The following ADGB variants were observed in gnomAD, a reference collection of about 807,000 sequenced individuals.
ADGB encodes the protein androglobin.
ADGB carries 172 observed loss-of-function variants against 210.5 expected under a neutral mutation model. The observed-to-expected ratio is 0.82, with a 90% CI of 0.72 to 0.93. The LOEUF (loss-of-function observed/expected upper bound fraction) is 0.93, where lower values mean the gene tolerates loss of function less well. ADGB is among the 40% of genes least tolerant of loss of function. ADGB has a pLI of 0.00. For synonymous variants in ADGB, 658 were observed against 662.7 expected, an observed-to-expected ratio of 0.99 and a Z score of 0.11; for missense variants, 2,025 against 1,964.8, an observed-to-expected ratio of 1.03 and a Z score of -0.58.
chr6:146,684,706 A>T (rs983037983), intron 9 of ADGB, among the ~76,000 whole-genome samples: 1 of 152,104 alleles, frequency 6.6e-6, no homozygotes, highest in African/African-American at 2.4e-5. Flanking sequence ...ATTATTAACC[A>T]AGCCTCTGCA....
chr6:146,750,138 G>A (rs1051932110), intron 26 of ADGB, among the ~76,000 whole-genome samples: 2 of 152,148 alleles, frequency 1.3e-5, no homozygotes, highest in African/African-American at 2.4e-5. Context: ...AGGCTGGACT[G>A]CAAAGTGGGC....
intron 13 of ADGB, among the ~76,000 whole-genome samples, chr6:146,704,473 C>T (rs953023808): frequency 6.6e-6 from 1 of 151,964 alleles, no homozygotes; most frequent in Non-Finnish European, 1.5e-5. Context: ...GTTCTTAATG[C>T]ATTTTGAGTT....
intron 10 of ADGB, among the ~76,000 whole-genome samples, chr6:146,688,591 G>C (rs548395359): frequency 6.6e-6 from 1 of 152,202 alleles, no homozygotes; most frequent in East Asian, 1.9e-4. Context: ...TCCCTTTGGG[G>C]AAGTTTAAGG....
At chr6:146,786,645 A>G (rs763729041) in intron 32 of ADGB, among the ~76,000 whole-genome samples, 2 of 152,080 alleles carry the variant, frequency 1.3e-5, no homozygotes, top group Non-Finnish European at 1.5e-5. Flanking sequence ...AAGCTCAGAG[A>G]GCCACCTTAT....
chr6:146,767,999 G>T (rs1297148024), intron 28 of ADGB, among the ~76,000 whole-genome samples: 1 of 152,116 alleles, frequency 6.6e-6, no homozygotes, highest in African/African-American at 2.4e-5. Context: ...AACAAAATCA[G>T]AAAACACCCA....
At chr6:146,664,741 A>G (rs1166787232) in intron 6 of ADGB, among the ~76,000 whole-genome samples, 1 of 152,108 alleles carries the variant, frequency 6.6e-6, no homozygotes, top group Non-Finnish European at 1.5e-5. Flanking sequence ...GCAATAATTT[A>G]CTAATCTTGA....
rs1777850236 is a variant in ADGB at position 146,784,795 on chromosome 6, G to T, written c.4212+1G>T. 6.5e-7 allele frequency: 1 copy of T among 1,540,282 alleles called. No homozygotes were observed. The highest frequency in any genetic ancestry group is 2.1e-5 in the Admixed American group (1 of 48,486). ...AACTGAGCCAGGAAGAGCAATCAAG[G>T]TCACCTGATTTCGAAAAGCTGTCAT... is the stretch of plus-strand genomic sequence containing the variant. On this transcript the variant is annotated splice_donor_variant, in intron 31 of 35. Transcript: ENST00000397944. LOFTEE classifies it high-confidence loss of function.
intron 16 of ADGB, 135 bp downstream of exon 16, chr6:146,717,734 C>G (rs1246145916): frequency 4.3e-6 from 2 of 460,506 alleles, no homozygotes; most frequent in Non-Finnish European, 3.8e-6. Flanking sequence ...TTTTTAGAGT[C>G]TCTCACTAAT....
Position 146,672,351 on chromosome 6 carries a change from G to A in ADGB, c.971G>A (p.Gly324Glu). The A allele has an allele frequency of 6.4e-7, 1 of 1,551,344 alleles. No homozygotes were observed. The highest frequency in any genetic ancestry group is 2.4e-5 in the East Asian group (1 of 40,886). ...DSKLKEPGKE[G>E]KEGKEIKDGK... is the part of the protein sequence containing the mutation. Reference sequence around the variant, plus strand: ...AAATTAAAAGAACCAGGGAAAGAAGGGAAGGAGGGAAAAGAAATAAAGGAT... The same window carrying A: ...AAATTAAAAGAACCAGGGAAAGAAGAGAAGGAGGGAAAAGAAATAAAGGAT... The change falls in exon 8 of 36, where the codon GGG becomes GAG. Residue 324 changes from glycine (G) to glutamate (E), a missense_variant. Coordinates refer to ENST00000397944, the MANE Select transcript of ADGB (RefSeq NM_024694.4).
At chr6:146,719,225 T>C (rs1776779863) in intron 16 of ADGB, among the ~76,000 whole-genome samples, 1 of 152,216 alleles carries the variant, frequency 6.6e-6, no homozygotes. Context: ...TAGTAAGTAA[T>C]AATAAATGTT....
chr6:146,739,644 A>T (rs1050866532), intron 23 of ADGB, among the ~76,000 whole-genome samples: 4 of 152,176 alleles, frequency 2.6e-5, no homozygotes, highest in African/African-American at 9.7e-5. Context: ...CGATGAAAAC[A>T]TCTGCCTTCT....
chr6:146,734,484 G>A (rs1300555117), intron 22 of ADGB, among the ~76,000 whole-genome samples: 1 of 152,130 alleles, frequency 6.6e-6, no homozygotes, highest in Non-Finnish European at 1.5e-5. Context: ...GCATAATAAA[G>A]AAGCCACTAT....
At chr6:146,667,509 T>C (rs556206132) in intron 7 of ADGB, among the ~76,000 whole-genome samples, 3 of 152,162 alleles carry the variant, frequency 2.0e-5, no homozygotes, top group South Asian at 2.1e-4. Context: ...GTGTATCTGC[T>C]TCTTCATAGG....
rs1428295651 is a variant in ADGB, at chr6:146,785,693, A to G, written c.4296A>G (p.Gln1432=). The G allele has an allele frequency of 2.6e-6, 4 of 1,550,444 alleles. No homozygotes were observed. The Admixed American group carries it at 7.8e-5, about 30-fold the overall frequency. The change falls in exon 32 of 36, where the codon CAA becomes CAG. Residue 1432 remains glutamine (Q), a synonymous_variant. Transcript: ENST00000397944. The stretch of plus-strand genomic sequence containing the variant: ...AGAGTCCGCCTATATCTGAAAGCCA[A>G]ACTAAACCAAAAGAAGAAGGTGAGT... ...DAESPPISES[Q]TKPKEEVETA...
intron 23 of ADGB, among the ~76,000 whole-genome samples, chr6:146,737,254 T>C (rs1777092859): frequency 6.6e-6 from 1 of 151,892 alleles, no homozygotes; most frequent in Non-Finnish European, 1.5e-5. Flanking sequence ...CACAGACAAA[T>C]GGAAAGTACG....
chr6:146,614,268 C>T (rs1281584437), intron 1 of ADGB, among the ~76,000 whole-genome samples: 1 of 133,712 alleles, frequency 7.5e-6, no homozygotes, highest in Non-Finnish European at 1.6e-5. Context: ...TTTGATATAA[C>T]ATTGATATAC....
chr6:146,624,960 G>A lies in ADGB; in HGVS notation c.75-10415G>A, dbSNP rs191052254. Reference sequence around the variant, plus strand: ...CTTTGTGTGACTTGAATATTTAAAAGTTTATTGAGACATTCTATGTATTAA... The same window carrying A: ...CTTTGTGTGACTTGAATATTTAAAAATTTATTGAGACATTCTATGTATTAA... On this transcript the variant is annotated intron_variant, in intron 1 of 35. Coordinates refer to ENST00000397944, the MANE Select transcript of ADGB (RefSeq NM_024694.4). Among the ~76,000 whole-genome samples, 1,384 of 151,980 alleles carry A rather than the reference G, an allele frequency of 9.1e-3. 14 individuals carry two copies. The highest frequency in any genetic ancestry group is 0.031 in the African/African-American group (1,296 of 41,516).
chr6:146,631,957 C>T (rs1438779074), intron 1 of ADGB, among the ~76,000 whole-genome samples: 2 of 140,712 alleles, frequency 1.4e-5, no homozygotes, highest in Non-Finnish European at 3.1e-5. Flanking sequence ...CTGCTCATCT[C>T]CTCATTAAAA....
Position 146,801,184 on chromosome 6 carries a change from A to G in ADGB, c.4539A>G (p.Gln1513=), listed in dbSNP as rs1025940587. The G allele has an allele frequency of 4.1e-6, 6 of 1,476,664 alleles. No individual in the cohort carries two copies. In the African/African-American group the frequency reaches 8.7e-5, roughly 21 times the overall value. 91.5% of individuals were successfully genotyped at this position (1,476,664 alleles called of 1,614,324 possible). A position where few individuals can be genotyped will look rare whatever the true frequency, so the allele number is the denominator to read the frequency against. Residue 1513 remains glutamine (Q), a splice_region_variant and synonymous_variant, in exon 34 of 36, where the codon CAA becomes CAG. Transcript: ENST00000397944. ...GTTGTGTGTGTGTTTTTTTTAAAGA[A>G]ACAGGACCTCGTACACGATCTCCAA... is the stretch of plus-strand genomic sequence containing the variant. ...REQSTRKENI[Q]TGPRTRSPTI...
Sources: gnomAD v4.1 joint callset for allele counts (sites outside exome capture counted in the v4.1 genomes callset) on GRCh38, gnomAD v4.1.1 for gene constraint, MANE v1.5 for transcripts, NCBI Gene and HGNC (gene_info 2026-07-23, HGNC 2026-07-21) for gene names.